Variants in CUL4A observed in about 807,000 individuals in gnomAD.
The protein encoded by CUL4A is cullin 4A.
Under a neutral mutation model 95.5 loss-of-function variants are expected in CUL4A, and 16 were observed. That is an observed-to-expected ratio of 0.17 (90% CI 0.11 to 0.25). The LOEUF is 0.25. CUL4A is among the 10% of genes least tolerant of loss of function. CUL4A has a pLI of 1.00. For missense variants in CUL4A, 610 were observed against 937.0 expected (o/e 0.65, Z 4.56); for synonymous variants, 380 against 353.1 (o/e 1.08, Z -0.85).
chr13:113,210,648 T>C (rs753076410), intron 2 of CUL4A, among the ~76,000 whole-genome samples: 20 of 152,236 alleles, frequency 1.3e-4, no homozygotes, highest in Non-Finnish European at 2.1e-4. Flanking sequence ...AAAAAGTACA[T>C]TTTACCATAC....
chr13:113,253,642 A>G (rs2042049556), intron 16 of CUL4A, among the ~76,000 whole-genome samples: 1 of 152,190 alleles, frequency 6.6e-6, no homozygotes, highest in Non-Finnish European at 1.5e-5. Flanking sequence ...TTGGAAGGGC[A>G]GTTTGGCATT....
chr13:113,241,511 C>CTTT (rs10645246), intron 10 of CUL4A, among the ~76,000 whole-genome samples: 2,668 of 120,006 alleles, frequency 0.022, 82 homozygotes, highest in Non-Finnish European at 0.035. Flanking sequence ...CTGTTGGCAT[C>CTTT]TTTTTTTTTT....
chr13:113,260,683 T>A lies in CUL4A; in HGVS notation c.2108T>A (p.Ile703Lys). The A allele has an allele frequency of 6.2e-7, 1 of 1,612,254 alleles. No homozygotes were observed. The highest frequency in any genetic ancestry group is 1.1e-5 in the South Asian group (1 of 90,806). The change falls in exon 19 of 20, where the codon ATA (isoleucine) becomes AAA (lysine). Residue 703 changes from isoleucine (I) to lysine (K), a missense_variant. By Grantham distance (102) the Ile-to-Lys change is moderately radical. Transcript: ENST00000375440. ...QYQIDAAIVR[I>K]MKMRKTLGHN... is the part of the protein sequence containing the mutation. ...CAGATTGATGCTGCTATCGTCAGAA[T>A]AATGAAGATGAGAAAGACTCTTGGT...
At chr13:113,219,300 G>GT (rs773415836) in intron 3 of CUL4A, 19 of 377,032 alleles carry the variant, frequency 5.0e-5, no homozygotes, top group Non-Finnish European at 7.6e-5. Context: ...ATGTCTTCAA[G>GT]TTTGAGTATC....
At chr13:113,243,276 C>A in intron 11 of CUL4A, 116 bp downstream of exon 11, 1 of 947,152 alleles carries the variant, frequency 1.1e-6, no homozygotes, top group Non-Finnish European at 1.5e-6. Flanking sequence ...TCAAGCTGCT[C>A]AAGGGGTGTG....
At chr13:113,228,925 C>T (rs566957312) in intron 4 of CUL4A, among the ~76,000 whole-genome samples, 68 of 151,894 alleles carry the variant, frequency 4.5e-4, no homozygotes, top group Admixed American at 3.1e-3. Flanking sequence ...TCGAGACCAT[C>T]CTGGCTAACA....
rs774099311 is a variant in CUL4A at position 113,209,737 on chromosome 13, C to G, written c.110C>G (p.Ala37Gly). 5.1e-6 allele frequency: 6 copies of G among 1,167,562 alleles called. No homozygotes were observed. The South Asian group carries it at 2.1e-4, about 40-fold the overall frequency. 72.3% of individuals were successfully genotyped at this position (1,167,562 alleles called of 1,614,324 possible). ...GCCGCGCCCGCCAAGCCGGGGGGCG[C>G]GGGCGGCTCCAAGAAGCTGGTCATC... Reference protein sequence around the residue: ...LAAAPAKPGGAGGSKKLVIKN... With the variant: ...LAAAPAKPGGGGGSKKLVIKN... The change falls in exon 1 of 20, where the codon GCG (alanine) becomes GGG (glycine). Residue 37 changes from alanine (A) to glycine (G), a missense_variant. Physicochemically the swap from Ala to Gly is moderately conservative, Grantham distance 60. Coordinates refer to ENST00000375440, the MANE Select transcript of CUL4A (RefSeq NM_001008895.4).
In CUL4A at chr13:113,266,939, T is replaced by C. The variant is rs1045573481; in HGVS notation, c.*3357T>C. Reference sequence around the variant, plus strand: ...TATAAATTATGCATACATTGTGGACTAGTCAAGCTAGTTACATCCATCACC... The same window carrying C: ...TATAAATTATGCATACATTGTGGACCAGTCAAGCTAGTTACATCCATCACC... On this transcript the variant is annotated 3_prime_UTR_variant, in exon 20 of 20. Coordinates refer to ENST00000375440, the MANE Select transcript of CUL4A (RefSeq NM_001008895.4). 6.6e-6 allele frequency: 1 copy of C among 152,232 alleles called. No homozygotes were observed. The highest frequency in any genetic ancestry group is 2.4e-5 in the African/African-American group (1 of 41,458). 9.4% of individuals were successfully genotyped at this position (152,232 alleles called of 1,614,324 possible). A position where few individuals can be genotyped will look rare whatever the true frequency, so the allele number is the denominator to read the frequency against.
At chr13:113,246,274 C>A (rs1243872977) in intron 15 of CUL4A, among the ~76,000 whole-genome samples, 1 of 152,208 alleles carries the variant, frequency 6.6e-6, no homozygotes, top group Non-Finnish European at 1.5e-5. Flanking sequence ...CCTGTGTCCA[C>A]CTGCTGACCT....
At chr13:113,232,567 A>AC (rs1457962253) in intron 5 of CUL4A, among the ~76,000 whole-genome samples, 2 of 152,220 alleles carry the variant, frequency 1.3e-5, no homozygotes, top group Non-Finnish European at 2.9e-5. Flanking sequence ...CACAGAGCCC[A>AC]CAAGATGGGT....
intron 5 of CUL4A, among the ~76,000 whole-genome samples, chr13:113,230,683 A>G (rs551491809): frequency 6.6e-6 from 1 of 152,316 alleles, no homozygotes; most frequent in Non-Finnish European, 1.5e-5. Context: ...CTCCTATTTT[A>G]TACAAACTAA....
At position 113,254,911 on chromosome 13, in the gene CUL4A, T is replaced by G. The variant is rs192186744; in HGVS notation, c.1859-42T>G. 196 of 1,606,544 alleles carry G rather than the reference T, an allele frequency of 1.2e-4. No homozygotes were observed. The African/African-American group carries it at 2.2e-3, about 18-fold the overall frequency. On this transcript the variant is annotated intron_variant, in intron 17 of 19. Transcript: ENST00000375440. ...TTGGTTTACTGTTGTTGAGTCTCAT[T>G]CGTTTAACGCCAGCCTTTGCCTGCA... is the stretch of plus-strand genomic sequence containing the variant.
intron 9 of CUL4A, among the ~76,000 whole-genome samples, chr13:113,238,832 T>G (rs1471363871): frequency 6.6e-6 from 1 of 152,216 alleles, no homozygotes; most frequent in African/African-American, 2.4e-5. Flanking sequence ...TTTTATGCTT[T>G]AACCTGGCTG....
intron 5 of CUL4A, among the ~76,000 whole-genome samples, chr13:113,231,979 A>ACCACCACCCGCCTACCACTGTTACTACTG (rs2041329282): frequency 7.7e-6 from 1 of 130,168 alleles, no homozygotes; most frequent in African/African-American, 3.2e-5. Flanking sequence ...TAATAATACT[A>ACCACCACCCGCCTACCACTGTTACTACTG]CCACCACCAC....
At chr13:113,230,659 C>T (rs919496610) in intron 5 of CUL4A, among the ~76,000 whole-genome samples, 10 of 152,150 alleles carry the variant, frequency 6.6e-5, no homozygotes, top group African/African-American at 9.7e-5. Context: ...AGCTCTGTGG[C>T]GTGGCCATTG....
At chr13:113,235,193 A>G (rs1377941065) in intron 8 of CUL4A, 48 bp downstream of exon 8, 5 of 1,308,006 alleles carry the variant, frequency 3.8e-6, no homozygotes, top group East Asian at 4.6e-5. Context: ...CCATGGCTGG[A>G]AGGTTCTCCT....
upstream of CUL4A, chr13:113,208,663 C>T (rs1316408437): frequency 4.4e-6 from 7 of 1,599,396 alleles, no homozygotes; most frequent in African/African-American, 1.3e-5. Flanking sequence ...AGAGCGCCAC[C>T]CCCTACGCCT....
At chr13:113,251,266 C>T (rs750136815) in intron 15 of CUL4A, among the ~76,000 whole-genome samples, 1 of 152,140 alleles carries the variant, frequency 6.6e-6, no homozygotes, top group African/African-American at 2.4e-5. Context: ...ATATGGGATC[C>T]AGCAGAAGAA....
At chr13:113,229,922 T>C (rs1183085891) in intron 5 of CUL4A, 8 of 429,130 alleles carry the variant, frequency 1.9e-5, no homozygotes, top group African/African-American at 4.0e-5. Flanking sequence ...TTGCTCAGCC[T>C]CCCGGCCTCC....
Sources: allele counts gnomAD v4.1 joint callset (sites outside exome capture counted in the v4.1 genomes callset), GRCh38; gene constraint gnomAD v4.1.1; transcripts MANE v1.5; gene names NCBI Gene and HGNC (gene_info 2026-07-23, HGNC 2026-07-21).